The following TACR3 variants were observed in gnomAD, a reference collection of about 807,000 sequenced individuals.
The protein encoded by TACR3 is neuromedin-K receptor.
Under a neutral mutation model 35.0 loss-of-function variants are expected in TACR3, and 34 were observed. The ratio of observed to expected loss-of-function variants is 0.97; its 90% confidence interval spans 0.74 to 1.30. The LOEUF is 1.30. Ranked by LOEUF, TACR3 falls within the 50% of genes most tolerant of loss-of-function variation. The pLI is 0.00. For missense variants in TACR3, 558 were observed against 591.7 expected, an observed-to-expected ratio of 0.94 and a Z score of 0.59; for synonymous variants, 233 against 221.1, an observed-to-expected ratio of 1.05 and a Z score of -0.48.
intron 3 of TACR3, among the ~76,000 whole-genome samples, chr4:103,654,298 A>G (rs911313891): frequency 6.6e-6 from 1 of 151,648 alleles, no homozygotes; most frequent in Non-Finnish European, 1.5e-5. Context: ...GAACCAACCC[A>G]AATGTCCAAC....
chr4:103,608,415 G>A (rs895015218), intron 3 of TACR3, among the ~76,000 whole-genome samples: 2 of 152,076 alleles, frequency 1.3e-5, no homozygotes, highest in Non-Finnish European at 2.9e-5. Flanking sequence ...AGAGGCAGGA[G>A]AAAGGGGAGC....
intron 3 of TACR3, among the ~76,000 whole-genome samples, chr4:103,654,311 C>T (rs1215157953): frequency 5.9e-5 from 9 of 151,368 alleles, no homozygotes; most frequent in South Asian, 4.2e-4. Flanking sequence ...TGTCCAACAA[C>T]GATAGACTGG....
intron 1 of TACR3, among the ~76,000 whole-genome samples, chr4:103,677,805 T>C (rs534577716): frequency 2.0e-5 from 3 of 152,004 alleles, no homozygotes; most frequent in Non-Finnish European, 4.4e-5. Context: ...CAAACCACCA[T>C]GGTACAAGTT....
intron 4 of TACR3, among the ~76,000 whole-genome samples, chr4:103,590,432 G>A (rs1723867704): frequency 2.0e-5 from 3 of 152,080 alleles, no homozygotes; most frequent in Admixed American, 2.0e-4. Context: ...ATAAATTAAA[G>A]TCTCGTTTAA....
intron 1 of TACR3, among the ~76,000 whole-genome samples, chr4:103,715,743 A>G (rs1299298040): frequency 6.6e-6 from 1 of 152,218 alleles, no homozygotes; most frequent in Non-Finnish European, 1.5e-5. Flanking sequence ...TTAGAAAATG[A>G]AAGAAAATAT....
Position 103,717,761 on chromosome 4 carries a change from T to C in TACR3, c.548+1367A>G, listed in dbSNP as rs1195469763. 2.0e-5 allele frequency among the ~76,000 whole-genome samples: 3 copies of C among 152,184 alleles called. No homozygotes were observed. In the South Asian group the frequency reaches 6.2e-4, roughly 31 times the overall value. ...TCAAACAAAAGGAACACTTAACTTC[T>C]ATCTTGGTGTAGTAAGATTAGAGGC... On this transcript the variant is annotated intron_variant, in intron 1 of 4. Transcript: ENST00000304883.
chr4:103,706,515 G>A (rs1722793343), intron 1 of TACR3, among the ~76,000 whole-genome samples: 1 of 151,810 alleles, frequency 6.6e-6, no homozygotes, highest in Non-Finnish European at 1.5e-5. Flanking sequence ...AAATATATCT[G>A]TGTATATATA....
chr4:103,682,861 A>G (rs530458119), intron 1 of TACR3, among the ~76,000 whole-genome samples: 22 of 152,254 alleles, frequency 1.4e-4, no homozygotes, highest in Admixed American at 2.6e-4. Flanking sequence ...TGGCTGTAGA[A>G]TTCATGTTAA....
Position 103,586,138 on chromosome 4 carries a change from A to G in TACR3, c.*3544T>C, listed in dbSNP as rs1424872373. ...TAAATACATTAAACATATTCAATAT[A>G]ATTACCACAACTTGAAAATACTTTA... On this transcript the variant is annotated 3_prime_UTR_variant, in exon 5 of 5. Transcript: ENST00000304883. The G allele has an allele frequency of 6.6e-6, 1 of 152,034 alleles. No individual in the cohort carries two copies. The highest frequency in any genetic ancestry group is 1.5e-5 in the Non-Finnish European group (1 of 67,982). 9.4% of individuals were successfully genotyped at this position (152,034 alleles called of 1,614,324 possible).
intron 3 of TACR3, among the ~76,000 whole-genome samples, chr4:103,597,220 A>G (rs1724051040): frequency 6.7e-6 from 1 of 149,164 alleles, no homozygotes; most frequent in Non-Finnish European, 1.5e-5. Context: ...TCCCACCAAC[A>G]GTGTAAAAGT....
chr4:103,684,987 T>TTAAATAAATAAA (rs146299787), intron 1 of TACR3, among the ~76,000 whole-genome samples: 50 of 142,122 alleles, frequency 3.5e-4, no homozygotes, highest in Middle Eastern at 3.5e-3. Context: ...CATCTCAAAA[T>TTAAATAAATAAA]TAAATAAATA....
intron 3 of TACR3, among the ~76,000 whole-genome samples, chr4:103,620,573 G>GA (rs1279013824): frequency 6.6e-6 from 1 of 152,154 alleles, no homozygotes. Flanking sequence ...CCATAAAAAA[G>GA]AGGGAAATCA....
Position 103,590,092 on chromosome 4 carries a change from C to T in TACR3, c.1086-98G>A, listed in dbSNP as rs958128864. On this transcript the variant is annotated intron_variant, in intron 4 of 4. Transcript: ENST00000304883. ...ATTCTACCTAAGGCAGTTATAACAA[C>T]TCAGTTTTTGAGTTTGGTTTTTAGC... 14 of 1,480,732 alleles carry T rather than the reference C, an allele frequency of 9.5e-6. No homozygotes were observed. The African/African-American group carries it at 1.1e-4, about 12-fold the overall frequency. The allele number at this position is 1,480,732 out of a possible 1,614,324, so 91.7% of individuals were successfully genotyped here.
chr4:103,651,688 A>T (rs2110326878), intron 3 of TACR3, among the ~76,000 whole-genome samples: 1 of 151,868 alleles, frequency 6.6e-6, no homozygotes, highest in East Asian at 2.0e-4. Context: ...CACAGCTGGG[A>T]ATGTGCTGAG....
intron 3 of TACR3, among the ~76,000 whole-genome samples, chr4:103,638,505 G>A (rs9714832): frequency 0.44 from 66,419 of 151,094 alleles, 17,723 homozygotes; most frequent in African/African-American, 0.76. Context: ...AAACCTAGGC[G>A]ATACCATTCA....
chr4:103,633,846 T>A (rs1315908737), intron 3 of TACR3, among the ~76,000 whole-genome samples: 1 of 152,160 alleles, frequency 6.6e-6, no homozygotes, highest in East Asian at 1.9e-4. Context: ...TGTTCTGTTT[T>A]ATGACCACAG....
intron 1 of TACR3, among the ~76,000 whole-genome samples, chr4:103,688,283 A>G (rs1461323301): frequency 6.6e-6 from 1 of 152,200 alleles, no homozygotes; most frequent in African/African-American, 2.4e-5. Context: ...TAGATCTAAA[A>G]CCATAAAAAC....
At chr4:103,716,509 T>G (rs1485971045) in intron 1 of TACR3, among the ~76,000 whole-genome samples, 3 of 152,188 alleles carry the variant, frequency 2.0e-5, no homozygotes, top group Non-Finnish European at 4.4e-5. Flanking sequence ...CAGTACAAAA[T>G]GAGTGCTGAA....
chr4:103,624,333 T>C (rs879945572), intron 3 of TACR3: 1 of 152,152 alleles, frequency 6.6e-6, no homozygotes, highest in Non-Finnish European at 1.5e-5. Flanking sequence ...TATATAAGAC[T>C]GCCACATCTT....
Sources: allele counts gnomAD v4.1 joint callset (sites outside exome capture counted in the v4.1 genomes callset), GRCh38; gene constraint gnomAD v4.1.1; transcripts MANE v1.5; gene names NCBI Gene and HGNC (gene_info 2026-07-23, HGNC 2026-07-21).